Variants in HUS1 observed in about 807,000 individuals in gnomAD.
HUS1 encodes HUS1 checkpoint clamp component.
Under a neutral mutation model 32.6 loss-of-function variants are expected in HUS1, and 31 were observed. The ratio of observed to expected loss-of-function variants is 0.95; its 90% CI spans 0.72 to 1.28. HUS1 has a LOEUF of 1.28. Ranked by LOEUF, HUS1 falls within the 50% of genes most tolerant of loss-of-function variation. HUS1 has a pLI of 0.00. For synonymous variants in HUS1, 123 were observed against 116.6 expected, an observed-to-expected ratio of 1.06 and a Z score of -0.36; for missense variants, 340 against 337.7, an observed-to-expected ratio of 1.01 and a Z score of -0.05.
rs770372987 is a variant in HUS1 at position 47,978,817 on chromosome 7, C to T, written c.53-1G>A. ...AGCTTGGCTATCATGTTACTGATTC[C>T]TAAAGCAGGGGTTAAAATAAGGAAT... On this transcript the variant is annotated splice_acceptor_variant, in intron 1 of 7. Coordinates refer to ENST00000258774, the MANE Select transcript of HUS1 (RefSeq NM_004507.4). LOFTEE classifies it high-confidence loss of function. The T allele has an allele frequency of 6.2e-7, 1 of 1,613,346 alleles. No homozygotes were observed. Among genetic ancestry groups the T allele is most frequent in the African/African-American group, 1.3e-5 (1 of 74,802 alleles).
intron 7 of HUS1, among the ~76,000 whole-genome samples, chr7:47,967,072 G>A (rs981179915): frequency 7.9e-5 from 12 of 152,206 alleles, no homozygotes; most frequent in Admixed American, 7.9e-4. Flanking sequence ...CAGATCTGAA[G>A]GGGATGAGGT....
intron 5 of HUS1, 114 bp downstream of exon 5, chr7:47,975,499 T>A: frequency 1.4e-6 from 1 of 706,910 alleles, no homozygotes; most frequent in Non-Finnish European, 2.6e-6. Flanking sequence ...TCCTCATAAG[T>A]GGGAACTCGG....
rs563990115 is a variant in HUS1 at position 47,969,339 on chromosome 7, A to G, written c.541-21T>C. ...ATAACCTGCAAATTGAGTATTTTAC[A>G]TAGTCTTAGAAAAGGAAGCCAAAAG... On this transcript the variant is annotated intron_variant, in intron 5 of 7. Coordinates refer to ENST00000258774, the MANE Select transcript of HUS1 (RefSeq NM_004507.4). 7.2e-6 allele frequency: 10 copies of G among 1,379,716 alleles called. No homozygotes were observed. In the East Asian group the frequency reaches 2.3e-4, roughly 32 times the overall value. The allele number at this position is 1,379,716 out of a possible 1,614,324, so 85.5% of individuals were successfully genotyped here.
intron 3 of HUS1, among the ~76,000 whole-genome samples, chr7:47,977,823 G>A (rs1788737742): frequency 6.6e-6 from 1 of 152,188 alleles, no homozygotes. Context: ...GAACCCGGGA[G>A]ATGGAGGTTG....
At chr7:47,969,404 T>C in intron 5 of HUS1, 86 bp from the exon 6 acceptor site, 1 of 721,794 alleles carries the variant, frequency 1.4e-6, no homozygotes, top group South Asian at 1.6e-5. Context: ...CACAACCAGA[T>C]GACAAAGTAC....
intron 5 of HUS1, among the ~76,000 whole-genome samples, chr7:47,970,926 A>T (rs1422443926): frequency 6.6e-6 from 1 of 152,236 alleles, no homozygotes; most frequent in East Asian, 1.9e-4. Context: ...CTTGAGTGAT[A>T]TGCTAGAGAA....
chr7:47,975,796 G>A lies in HUS1; in HGVS notation c.466-109C>T, dbSNP rs992129914. On this transcript the variant is annotated intron_variant, in intron 4 of 7. Transcript: ENST00000258774. ...GAACACATGCATGCTCAAAAACTATGGGATACTATTTTACAATTTTCTGAA... is the reference window on the plus strand; with the variant it reads ...GAACACATGCATGCTCAAAAACTATAGGATACTATTTTACAATTTTCTGAA... 6 of 610,734 alleles carry A rather than the reference G, an allele frequency of 9.8e-6. No homozygotes were observed. In the East Asian group the frequency reaches 1.6e-4, roughly 16 times the overall value. 37.8% of individuals were successfully genotyped at this position (610,734 alleles called of 1,614,324 possible). A position where few individuals can be genotyped will look rare whatever the true frequency, so the allele number is the denominator to read the frequency against.
chr7:47,975,565 G>T, intron 5 of HUS1, 48 bp downstream of exon 5: 2 of 1,269,506 alleles, frequency 1.6e-6, no homozygotes, highest in Non-Finnish European at 2.3e-6. Context: ...AACCCACGCC[G>T]TCCCACCAAA....
Position 47,979,477 on chromosome 7 carries a change from G to A in HUS1, c.43C>T (p.His15Tyr), listed in dbSNP as rs145887588. 1.2e-6 allele frequency: 2 copies of A among 1,613,292 alleles called. No individual in the cohort carries two copies. Among genetic ancestry groups the A allele is most frequent in the Non-Finnish European group, 1.7e-6 (2 of 1,179,950 alleles). The change falls in exon 1 of 8, where the codon CAC becomes TAC. Residue 15 changes from histidine to tyrosine, a missense_variant. His to Tyr is a moderately conservative substitution (Grantham distance 83, BLOSUM62 2). Coordinates refer to ENST00000258774, the MANE Select transcript of HUS1 (RefSeq NM_004507.4). ...CGGCCTCCCTGCTCACGTGTGAAGT[G>A]GTTCAGACAGGCCCCGTCCACGATC... is the stretch of plus-strand genomic sequence containing the variant. The part of the protein sequence containing the change: ...AKIVDGACLN[H>Y]FTRISNMIAK...
At chr7:47,974,185 G>A (rs1788651983) in intron 5 of HUS1, among the ~76,000 whole-genome samples, 2 of 152,188 alleles carry the variant, frequency 1.3e-5, no homozygotes, top group African/African-American at 4.8e-5. Flanking sequence ...GCTAAATTTT[G>A]TTCCAGATCC....
chr7:47,979,542 G>T lies in HUS1; in HGVS notation c.-23C>A. On this transcript the variant is annotated 5_prime_UTR_variant, in exon 1 of 8. Transcript: ENST00000258774. The stretch of plus-strand genomic sequence containing the variant: ...CATGGCCGCGGATGGCGCAGCCGCG[G>T]CGGGCCTCTGTGGGTAACAGAAAAG... 1 of 1,586,410 alleles carries T rather than the reference G, an allele frequency of 6.3e-7. No homozygotes were observed. The highest frequency in any genetic ancestry group is 8.6e-7 in the Non-Finnish European group (1 of 1,162,656).
chr7:47,968,789 G>GA (rs1788533916), intron 6 of HUS1: 1 of 158,918 alleles, frequency 6.3e-6, no homozygotes, highest in Non-Finnish European at 1.4e-5. Flanking sequence ...GTGATCAAGT[G>GA]AAACAGTTTT....
chr7:47,975,487 G>C, intron 5 of HUS1, 126 bp downstream of exon 5: 1 of 686,872 alleles, frequency 1.5e-6, no homozygotes, highest in South Asian at 1.6e-5. Flanking sequence ...CACCAGGCCA[G>C]GTCCTCATAA....
chr7:47,973,013 C>A (rs1788629568), intron 5 of HUS1, among the ~76,000 whole-genome samples: 1 of 152,100 alleles, frequency 6.6e-6, no homozygotes, highest in South Asian at 2.1e-4. Context: ...CCATGCTGTT[C>A]TCTTGATAGT....
chr7:47,977,047 G>T (rs1314609328), intron 3 of HUS1, among the ~76,000 whole-genome samples: 1 of 151,688 alleles, frequency 6.6e-6, no homozygotes, highest in African/African-American at 2.4e-5. Flanking sequence ...GAAGTGTGGT[G>T]ATAAGACAAA....
Position 47,969,221 on chromosome 7 carries a change from A to C in HUS1, c.638T>G (p.Leu213Ter). Residue 213 changes from leucine to a stop codon, truncating the protein, a stop_gained and splice_region_variant, in exon 6 of 8, where the codon TTA becomes TGA. Coordinates refer to ENST00000258774, the MANE Select transcript of HUS1 (RefSeq NM_004507.4). LOFTEE classifies it high-confidence loss of function. Reference protein sequence around the residue: ...THFKDLGNPPLASESTHEDRN... With the variant: ...THFKDLGNPP Reference sequence around the variant, plus strand: ...ATATAACCCACTAGAAAACTTACCTAATGGAGGATTTCCAAGATCTTTAAA... The same window carrying C: ...ATATAACCCACTAGAAAACTTACCTCATGGAGGATTTCCAAGATCTTTAAA... 1 of 1,500,898 alleles carries C rather than the reference A, an allele frequency of 6.7e-7. No individual in the cohort carries two copies. Among genetic ancestry groups the C allele is most frequent in the Non-Finnish European group, 9.2e-7 (1 of 1,089,562 alleles). The allele number at this position is 1,500,898 out of a possible 1,614,324, so 93.0% of individuals were successfully genotyped here.
At chr7:47,975,475 A>G in intron 5 of HUS1, 138 bp downstream of exon 5, 1 of 656,274 alleles carries the variant, frequency 1.5e-6, no homozygotes, top group Non-Finnish European at 2.7e-6. Context: ...GCAGGTTCTC[A>G]GCACCAGGCC....
chr7:47,974,237 T>A (rs890445398), intron 5 of HUS1, among the ~76,000 whole-genome samples: 1 of 152,206 alleles, frequency 6.6e-6, no homozygotes, highest in Non-Finnish European at 1.5e-5. Flanking sequence ...AATCCCACAC[T>A]GGGCAGCTGG....
intron 5 of HUS1, among the ~76,000 whole-genome samples, chr7:47,973,079 TTC>T (rs959771323): frequency 4.6e-5 from 7 of 152,170 alleles, no homozygotes; most frequent in African/African-American, 1.7e-4. Context: ...TCCTGTGTTC[TTC>T]TCTCTCCAGC....
Sources: allele counts gnomAD v4.1 joint callset (sites outside exome capture counted in the v4.1 genomes callset), GRCh38; gene constraint gnomAD v4.1.1; transcripts MANE v1.5; gene names NCBI Gene and HGNC (gene_info 2026-07-23, HGNC 2026-07-21).